Variants in KIF21B observed in about 807,000 individuals in gnomAD.
KIF21B encodes the protein kinesin family member 21B.
KIF21B carries 85 observed loss-of-function variants against 192.9 expected under a neutral mutation model. The observed-to-expected ratio is 0.44, with a 90% CI of 0.37 to 0.53. KIF21B has a LOEUF of 0.53. Among genes scored for constraint, KIF21B ranks in the 20% least tolerant of loss-of-function variants. The pLI is 0.00. For synonymous variants in KIF21B, 832 were observed against 884.6 expected (o/e 0.94, Z 1.05); for missense variants, 1,716 against 2,194.8 (o/e 0.78, Z 4.36).
In KIF21B at chr1:200,973,443, G is replaced by A. The variant is rs1183979779; in HGVS notation, c.*78C>T. 2.2e-6 allele frequency: 3 copies of A among 1,375,144 alleles called. No individual in the cohort carries two copies. Among genetic ancestry groups the A allele is most frequent in the Admixed American group, 3.7e-5 (1 of 26,854 alleles). The allele number at this position is 1,375,144 out of a possible 1,614,324, so 85.2% of individuals were successfully genotyped here. A position where few individuals can be genotyped will look rare whatever the true frequency, so the allele number is the denominator to read the frequency against. Reference sequence around the variant, plus strand: ...TGTCCCCAGAGCAGCTGGCCCCATCGGCCGGGTCACAGCTTCCCTTCCATG... The same window carrying A: ...TGTCCCCAGAGCAGCTGGCCCCATCAGCCGGGTCACAGCTTCCCTTCCATG... On this transcript the variant is annotated 3_prime_UTR_variant, in exon 35 of 35. Coordinates refer to ENST00000461742, the MANE Select transcript of KIF21B (RefSeq NM_001252102.2).
intron 17 of KIF21B, 114 bp from the exon 18 acceptor site, chr1:200,991,263 C>T: frequency 1.2e-6 from 1 of 825,706 alleles, no homozygotes; most frequent in Non-Finnish European, 1.9e-6. Context: ...TCTGTGCTGG[C>T]CTGGGCTTGG....
At chr1:201,012,290 G>A (rs1658280158) in intron 1 of KIF21B, among the ~76,000 whole-genome samples, 1 of 152,202 alleles carries the variant, frequency 6.6e-6, no homozygotes, top group East Asian at 1.9e-4. Flanking sequence ...AGACAGGGGG[G>A]CATGGACCCT....
Position 200,973,514 on chromosome 1 carries a change from C to T in KIF21B, c.*7G>A. On this transcript the variant is annotated 3_prime_UTR_variant, in exon 35 of 35. Coordinates refer to ENST00000461742, the MANE Select transcript of KIF21B (RefSeq NM_001252102.2). ...GAGGGTCCGGGGGCATCCCTCTGAC[C>T]TCACTCCTAGGGTGGGCCGCTGTGG... 2 of 1,461,834 alleles carry T rather than the reference C, an allele frequency of 1.4e-6. No individual in the cohort carries two copies. The highest frequency in any genetic ancestry group is 2.8e-5 in the South Asian group (2 of 71,962). The allele number at this position is 1,461,834 out of a possible 1,614,324, so 90.6% of individuals were successfully genotyped here.
intron 1 of KIF21B, among the ~76,000 whole-genome samples, chr1:201,020,808 TACACAC>T (rs60686711): frequency 7.7e-4 from 110 of 142,912 alleles, no homozygotes; most frequent in East Asian, 7.0e-3. Context: ...CTCTCTCCTC[TACACAC>T]ACACACACAC....
chr1:200,977,489 T>A, intron 30 of KIF21B, 113 bp from the exon 31 acceptor site: 2 of 1,305,252 alleles, frequency 1.5e-6, no homozygotes, highest in African/African-American at 1.5e-5. Flanking sequence ...TTCCAGGAAG[T>A]CTTCCTTGAC....
chr1:200,988,527 TGCTGGCGTA>T lies in KIF21B; in HGVS notation c.3307_3315del (p.Tyr1103_Ser1105del). ...GAGAACTCTGAGATCTCCTCATCTG[TGCTGGCGTA>T]GCCATTCTCTGTGGGAGGGCGGGAG... is the stretch of plus-strand genomic sequence containing the variant. On this transcript the variant is annotated inframe_deletion, in exon 23 of 35. Transcript: ENST00000461742. The T allele has an allele frequency of 8.6e-7, 1 of 1,168,140 alleles. No homozygotes were observed. The highest frequency in any genetic ancestry group is 1.2e-6 in the Non-Finnish European group (1 of 832,610). 72.4% of individuals were successfully genotyped at this position (1,168,140 alleles called of 1,614,324 possible).
In KIF21B at chr1:201,000,750, A is replaced by G; in HGVS notation, c.1433T>C (p.Ile478Thr). Residue 478 changes from isoleucine to threonine, a missense_variant, in exon 10 of 35, where the codon ATC becomes ACC. By Grantham distance (89) the Ile-to-Thr change is moderately conservative. This residue lies in a region of KIF21B where 1,087 missense variants were observed against 1,316.6 expected (regional missense o/e 0.83). Coordinates refer to ENST00000461742, the MANE Select transcript of KIF21B (RefSeq NM_001252102.2). The surrounding 1 kb of genome is among the most constrained non-coding windows in gnomAD (Gnocchi z 6.0). ...GDGNEAIGAL[I>T]QNYIREIEEL... Reference sequence around the variant, plus strand: ...CTCGATCTCCCGGATGTAGTTCTGGATCAGCGCACCAATGGCCTCATTGCC... The same window carrying G: ...CTCGATCTCCCGGATGTAGTTCTGGGTCAGCGCACCAATGGCCTCATTGCC... 6.2e-7 allele frequency: 1 copy of G among 1,614,220 alleles called. No homozygotes were observed. Among genetic ancestry groups the G allele is most frequent in the Non-Finnish European group, 8.5e-7 (1 of 1,180,024 alleles).
At chr1:201,013,650 A>T (rs941331340) in intron 1 of KIF21B, among the ~76,000 whole-genome samples, 3 of 152,146 alleles carry the variant, frequency 2.0e-5, no homozygotes, top group Non-Finnish European at 4.4e-5. Context: ...GAGCCACTGC[A>T]TGTGGCCTCT....
intron 1 of KIF21B, among the ~76,000 whole-genome samples, chr1:201,016,766 C>A (rs1658530383): frequency 6.6e-6 from 1 of 152,172 alleles, no homozygotes; most frequent in Non-Finnish European, 1.5e-5. Context: ...TTGTCCCTCT[C>A]CTGGCCTCTC....
chr1:200,976,578 TG>T (rs1655561791), intron 32 of KIF21B, among the ~76,000 whole-genome samples, 197 bp downstream of exon 32: 3 of 152,270 alleles, frequency 2.0e-5, no homozygotes, highest in Admixed American at 2.0e-4. Context: ...TAAGTTATTA[TG>T]AATTTTTCAC....
intron 8 of KIF21B, 125 bp from the exon 9 acceptor site, chr1:201,002,475 CT>C: frequency 1.3e-6 from 1 of 781,316 alleles, no homozygotes; most frequent in Non-Finnish European, 2.1e-6. Context: ...CATCACCAGT[CT>C]CCCCTGCCCC....
At chr1:201,004,239 T>G in intron 7 of KIF21B, 101 bp downstream of exon 7, 1 of 977,028 alleles carries the variant, frequency 1.0e-6, no homozygotes, top group South Asian at 1.5e-5. Flanking sequence ...TGGGAAGGCC[T>G]CCTCCTCCTG....
At position 201,023,408 on chromosome 1, in the gene KIF21B, C is replaced by T. The variant is rs1307771654; in HGVS notation, c.-25G>A. 1.4e-6 allele frequency: 2 copies of T among 1,478,942 alleles called. No individual in the cohort carries two copies. Among genetic ancestry groups the T allele is most frequent in the Admixed American group, 2.3e-5 (1 of 42,630 alleles). The allele number at this position is 1,478,942 out of a possible 1,614,324, so 91.6% of individuals were successfully genotyped here. ...TGGCCCTCTGGAGCTAGGGTCTGGG[C>T]GTGGATCAGAGGCGGGGGTCTGGGG... On this transcript the variant is annotated 5_prime_UTR_variant, in exon 1 of 35. Coordinates refer to ENST00000461742, the MANE Select transcript of KIF21B (RefSeq NM_001252102.2). The surrounding 1 kb of genome is among the most constrained non-coding windows in gnomAD (Gnocchi z 5.9).
chr1:200,997,896 G>C (rs1383011573), intron 14 of KIF21B, among the ~76,000 whole-genome samples: 2 of 152,330 alleles, frequency 1.3e-5, no homozygotes, highest in African/African-American at 2.4e-5. Context: ...TGCTGCACGA[G>C]AGCAGGGATT....
chr1:200,978,685 A>C (rs959892721), intron 30 of KIF21B, among the ~76,000 whole-genome samples: 2 of 152,052 alleles, frequency 1.3e-5, no homozygotes, highest in Non-Finnish European at 2.9e-5. Flanking sequence ...TGTTTACTTT[A>C]TTCATTATTA....
chr1:201,002,477 C>T, intron 8 of KIF21B, 127 bp from the exon 9 acceptor site: 2 of 775,984 alleles, frequency 2.6e-6, no homozygotes, highest in Non-Finnish European at 4.2e-6. Flanking sequence ...TCACCAGTCT[C>T]CCCTGCCCCA....
intron 17 of KIF21B, 149 bp from the exon 18 acceptor site, chr1:200,991,298 T>C: frequency 1.5e-6 from 1 of 656,672 alleles, no homozygotes; most frequent in African/African-American, 1.8e-5. Flanking sequence ...AAGGGGTCTC[T>C]GTTTGATGTG....
intron 9 of KIF21B, chr1:201,001,601 AAACTC>A (rs1186587415): frequency 6.5e-6 from 1 of 153,728 alleles, no homozygotes; most frequent in African/African-American, 2.4e-5. Flanking sequence ...GGCTGGTCTC[AAACTC>A]CTGGGTTCAA....
At chr1:201,020,729 TCCCAAACAG>T (rs1371347224) in intron 1 of KIF21B, among the ~76,000 whole-genome samples, 1 of 151,790 alleles carries the variant, frequency 6.6e-6, no homozygotes, top group Non-Finnish European at 1.5e-5. Flanking sequence ...GATCTCTTCA[TCCCAAACAG>T]ATTGCAGGGC....
Sources: gnomAD v4.1 joint callset for allele counts (sites outside exome capture counted in the v4.1 genomes callset) on GRCh38, gnomAD v4.1.1 for gene constraint, gnomAD v4.1.1 regional missense constraint, Gnocchi (gnomAD v3.1) non-coding constraint, MANE v1.5 for transcripts, NCBI Gene and HGNC (gene_info 2026-07-23, HGNC 2026-07-21) for gene names.